The following HMGA2 variants were observed in gnomAD, a reference collection of about 807,000 sequenced individuals.
HMGA2 encodes high mobility group protein HMGI-C.
Under a neutral mutation model 19.1 loss-of-function variants are expected in HMGA2, and 8 were observed. The ratio of observed to expected loss-of-function variants is 0.42; its 90% CI spans 0.25 to 0.76. The LOEUF (loss-of-function observed/expected upper bound fraction) is 0.76. Among genes scored for constraint, HMGA2 ranks in the 30% least tolerant of loss-of-function variants. The pLI, the probability that HMGA2 is intolerant of heterozygous loss-of-function variation, is 0.28. For synonymous variants in HMGA2, 60 were observed against 48.8 expected (o/e 1.23, Z -0.96); for missense variants, 109 against 136.3 (o/e 0.80, Z 1.00).
chr12:65,926,253 A>G (rs1000254247), intron 3 of HMGA2, among the ~76,000 whole-genome samples: 1 of 152,236 alleles, frequency 6.6e-6, no homozygotes, highest in African/African-American at 2.4e-5. Flanking sequence ...GCATTCAATC[A>G]GCTTCAACAG....
At chr12:65,919,992 C>T (rs573418052) in intron 3 of HMGA2, among the ~76,000 whole-genome samples, 7 of 152,256 alleles carry the variant, frequency 4.6e-5, no homozygotes, top group African/African-American at 1.2e-4. Context: ...ATTCTGGCTC[C>T]GGGAAGCTGA....
chr12:65,836,478 T>C (rs747172673), intron 2 of HMGA2, among the ~76,000 whole-genome samples: 57 of 152,140 alleles, frequency 3.7e-4, no homozygotes, highest in Non-Finnish European at 7.5e-4. Context: ...CTAGGAATGA[T>C]GTCTCACAGG....
At chr12:65,900,199 T>C (rs1156684309) in intron 3 of HMGA2, among the ~76,000 whole-genome samples, 2 of 152,208 alleles carry the variant, frequency 1.3e-5, no homozygotes, top group East Asian at 3.8e-4. Context: ...ATTTCAGTCA[T>C]AGCTACATCT....
chr12:65,833,405 T>C (rs1870558679), intron 2 of HMGA2, among the ~76,000 whole-genome samples: 1 of 130,122 alleles, frequency 7.7e-6, no homozygotes, highest in Non-Finnish European at 1.5e-5. Flanking sequence ...CACCCAAATA[T>C]TTTTCTAGTT....
intron 3 of HMGA2, chr12:65,859,304 G>C (rs1372168754): frequency 2.6e-5 from 4 of 152,162 alleles, no homozygotes; most frequent in Admixed American, 1.3e-4. Flanking sequence ...CCTACAGTCT[G>C]CCTGTTTTCC....
chr12:65,828,170 C>A, intron 2 of HMGA2, 83 bp downstream of exon 2: 2 of 1,000,004 alleles, frequency 2.0e-6, no homozygotes, highest in South Asian at 1.3e-5. Flanking sequence ...ATTCTAACTC[C>A]GCAGCCAGGA....
intron 3 of HMGA2, among the ~76,000 whole-genome samples, chr12:65,862,046 T>C (rs1198491308): frequency 6.6e-6 from 1 of 152,012 alleles, no homozygotes; most frequent in African/African-American, 2.4e-5. Context: ...GGTTTCACCA[T>C]GTTGATCAGG....
At chr12:65,907,436 G>T (rs796450861) in intron 3 of HMGA2, among the ~76,000 whole-genome samples, 8 of 151,608 alleles carry the variant, frequency 5.3e-5, no homozygotes, top group Non-Finnish European at 1.0e-4. Flanking sequence ...AAAAAAGGTG[G>T]GGGGTAAAGT....
chr12:65,924,303 A>G (rs929892802), intron 3 of HMGA2, among the ~76,000 whole-genome samples: 43 of 152,218 alleles, frequency 2.8e-4, no homozygotes, highest in African/African-American at 9.6e-4. Flanking sequence ...GTATCTGAAG[A>G]TAGTCCCAAC....
intron 3 of HMGA2, among the ~76,000 whole-genome samples, chr12:65,848,963 C>T (rs1871342426): frequency 6.6e-6 from 1 of 152,124 alleles, no homozygotes; most frequent in Non-Finnish European, 1.5e-5. Flanking sequence ...TTCCCCAGTG[C>T]AGGAAGCACT....
At chr12:65,837,053 A>G (rs1240071200) in intron 2 of HMGA2, among the ~76,000 whole-genome samples, 1 of 152,170 alleles carries the variant, frequency 6.6e-6, no homozygotes, top group Non-Finnish European at 1.5e-5. Context: ...TACCTAACCT[A>G]TCTAAGACTT....
intron 4 of HMGA2, chr12:65,954,023 T>G (rs1203462293): frequency 1.3e-5 from 2 of 152,172 alleles, no homozygotes; most frequent in African/African-American, 2.4e-5. Flanking sequence ...ATTTTACATC[T>G]AAAGAAAAGG....
intron 3 of HMGA2, among the ~76,000 whole-genome samples, chr12:65,924,729 C>G (rs1290613944): frequency 6.6e-6 from 1 of 152,126 alleles, no homozygotes; most frequent in Non-Finnish European, 1.5e-5. Flanking sequence ...ACCCAGGAGG[C>G]ACCGGTTGCA....
intron 3 of HMGA2, among the ~76,000 whole-genome samples, chr12:65,912,873 C>T (rs925968626): frequency 1.3e-5 from 2 of 152,050 alleles, no homozygotes; most frequent in Non-Finnish European, 2.9e-5. Flanking sequence ...AAAATGAGAA[C>T]GTTATTCATC....
chr12:65,848,613 T>C (rs577887466), intron 3 of HMGA2, among the ~76,000 whole-genome samples: 100 of 152,162 alleles, frequency 6.6e-4, no homozygotes, highest in Middle Eastern at 6.8e-3. Context: ...TCCCAGCACT[T>C]TGGGAGGCCG....
intron 3 of HMGA2, among the ~76,000 whole-genome samples, chr12:65,851,115 T>C (rs565354316): frequency 6.6e-6 from 1 of 152,360 alleles, no homozygotes; most frequent in South Asian, 2.1e-4. Flanking sequence ...ACCTTAGGCC[T>C]TTGTTACCTC....
chr12:65,878,977 T>G (rs1873206747), intron 3 of HMGA2, among the ~76,000 whole-genome samples: 1 of 152,240 alleles, frequency 6.6e-6, no homozygotes. Flanking sequence ...TGTTGTCCTT[T>G]GTAAAGATAT....
chr12:65,950,229 T>C (rs1876411740), intron 3 of HMGA2, among the ~76,000 whole-genome samples: 3 of 152,290 alleles, frequency 2.0e-5, no homozygotes, highest in South Asian at 4.1e-4. Context: ...AATGAAAACA[T>C]GTTCGCACGA....
At chr12:65,828,380 G>C in intron 2 of HMGA2, 2 of 232,544 alleles carry the variant, frequency 8.6e-6, no homozygotes, top group Non-Finnish European at 1.6e-5. Context: ...TGCGGGGGGG[G>C]CGGGATGAAA....
Sources: gnomAD v4.1 joint callset for allele counts (sites outside exome capture counted in the v4.1 genomes callset) on GRCh38, gnomAD v4.1.1 for gene constraint, MANE v1.5 for transcripts, NCBI Gene and HGNC (gene_info 2026-07-23, HGNC 2026-07-21) for gene names.